The following SNX29 variants were observed in gnomAD, a reference collection of about 807,000 sequenced individuals.
SNX29 encodes the protein sorting nexin-29.
A neutral mutation model predicts 102.1 loss-of-function variants in SNX29; 78 were observed. That is an observed-to-expected ratio of 0.76 (90% CI 0.64 to 0.92). The LOEUF is 0.92. Ranked by LOEUF, SNX29 falls within the 40% of genes least tolerant of loss-of-function variation. The pLI is 0.00. For missense variants in SNX29, 1,280 were observed against 1,061.7 expected (o/e 1.21, Z -2.86); for synonymous variants, 580 against 414.5 (o/e 1.40, Z -4.85).
intron 13 of SNX29, among the ~76,000 whole-genome samples, chr16:12,134,683 G>A (rs766461536): frequency 7.9e-5 from 12 of 152,194 alleles, no homozygotes; most frequent in Admixed American, 6.5e-5. Flanking sequence ...AGTCAACCTT[G>A]GTTCAGTGTT....
intron 20 of SNX29, among the ~76,000 whole-genome samples, chr16:12,564,461 G>T (rs562886066): frequency 4.6e-5 from 7 of 152,222 alleles, no homozygotes; most frequent in Non-Finnish European, 7.3e-5. Context: ...GTGTTTTGGG[G>T]AGGTTATGGA....
At chr16:12,526,244 G>A (rs956903437) in intron 20 of SNX29, among the ~76,000 whole-genome samples, 3 of 152,128 alleles carry the variant, frequency 2.0e-5, no homozygotes, top group Non-Finnish European at 4.4e-5. Context: ...AAAACAGAGG[G>A]TGCATTTCTG....
intron 18 of SNX29, among the ~76,000 whole-genome samples, chr16:12,409,301 C>T (rs1389552255): frequency 4.6e-5 from 7 of 152,124 alleles, no homozygotes; most frequent in African/African-American, 1.7e-4. Flanking sequence ...TTTGATTTTT[C>T]TGGCACTTCC....
chr16:12,209,884 T>TG (rs1236204794), intron 14 of SNX29, among the ~76,000 whole-genome samples: 61 of 152,324 alleles, frequency 4.0e-4, no homozygotes, highest in African/African-American at 1.4e-3. Context: ...CATAAGAGCC[T>TG]GCCCATCTGA....
chr16:12,170,131 T>A (rs1344747149), intron 13 of SNX29, among the ~76,000 whole-genome samples: 1 of 152,000 alleles, frequency 6.6e-6, no homozygotes, highest in Admixed American at 6.5e-5. Flanking sequence ...TTATGAGAAC[T>A]AAAGAAGTCT....
At chr16:11,985,076 C>T (rs781670641) in intron 1 of SNX29, among the ~76,000 whole-genome samples, 5 of 151,996 alleles carry the variant, frequency 3.3e-5, no homozygotes, top group East Asian at 3.9e-4. Context: ...GCATTAACAT[C>T]GAAGAGTTTA....
At chr16:12,228,483 C>G (rs1444301379) in intron 14 of SNX29, among the ~76,000 whole-genome samples, 2 of 151,212 alleles carry the variant, frequency 1.3e-5, no homozygotes, top group Non-Finnish European at 2.9e-5. Flanking sequence ...GCTCTGGTCA[C>G]TCTTACCCCT....
In SNX29 at chr16:12,559,082, G is replaced by A. The variant is rs144722082; in HGVS notation, c.2319-9424G>A. On this transcript the variant is annotated intron_variant, in intron 20 of 20. Transcript: ENST00000566228. ...TGTAGAGGTCTACCGCTGTGTCCCC[G>A]TGCTCCTTAGTCTAGGATGAGTAGT... is the stretch of plus-strand genomic sequence containing the variant. Among the ~76,000 whole-genome samples the A allele has an allele frequency of 6.9e-4, 105 of 152,200 alleles. 1 individual carries two copies. Among genetic ancestry groups the A allele is most frequent in the African/African-American group, 2.3e-3 (94 of 41,512 alleles).
At chr16:12,078,788 C>CT in intron 10 of SNX29, 45 bp from the exon 11 acceptor site, 2 of 1,530,420 alleles carry the variant, frequency 1.3e-6, no homozygotes, top group South Asian at 2.4e-5. Flanking sequence ...AGGGTGTGTA[C>CT]TTTCAGTGGC....
chr16:12,245,837 T>C (rs1328850046), intron 14 of SNX29, among the ~76,000 whole-genome samples: 1 of 152,048 alleles, frequency 6.6e-6, no homozygotes, highest in Non-Finnish European at 1.5e-5. Context: ...ACACAGAGTT[T>C]CTGCTGCAGG....
intron 11 of SNX29, among the ~76,000 whole-genome samples, chr16:12,097,275 G>C (rs1175456332): frequency 6.6e-6 from 1 of 152,220 alleles, no homozygotes; most frequent in Non-Finnish European, 1.5e-5. Context: ...GATAAACCTA[G>C]CCAGCATCAC....
At chr16:12,192,669 G>A (rs1044700735) in intron 13 of SNX29, among the ~76,000 whole-genome samples, 1 of 151,862 alleles carries the variant, frequency 6.6e-6, no homozygotes, top group South Asian at 2.1e-4. Flanking sequence ...ATGTCACCGT[G>A]TCCAGCTAAT....
intron 18 of SNX29, among the ~76,000 whole-genome samples, chr16:12,425,507 A>C (rs1220722764): frequency 6.9e-6 from 1 of 145,950 alleles, no homozygotes; most frequent in Non-Finnish European, 1.5e-5. Context: ...GGTCAAGTCC[A>C]CACTACCCAA....
intron 19 of SNX29, among the ~76,000 whole-genome samples, chr16:12,523,525 C>T (rs577623651): frequency 2.6e-5 from 4 of 152,370 alleles, no homozygotes; most frequent in East Asian, 1.9e-4. Context: ...AGCACAGATA[C>T]ACGGAGCAGG....
chr16:12,111,057 C>T (rs1402235340), intron 11 of SNX29, among the ~76,000 whole-genome samples: 4 of 152,082 alleles, frequency 2.6e-5, no homozygotes, highest in Non-Finnish European at 5.9e-5. Context: ...AGTGATCCTC[C>T]CACCTTGGCT....
intron 20 of SNX29, among the ~76,000 whole-genome samples, chr16:12,549,147 G>C (rs1233047213): frequency 6.6e-6 from 1 of 151,886 alleles, no homozygotes; most frequent in African/African-American, 2.4e-5. Context: ...TTTTGATTTA[G>C]CAGTTATCAC....
intron 11 of SNX29, among the ~76,000 whole-genome samples, chr16:12,109,265 T>A (rs796434250): frequency 2.0e-5 from 3 of 151,876 alleles, no homozygotes; most frequent in African/African-American, 7.2e-5. Flanking sequence ...GGTCCTGAAC[T>A]GGCATAGAGC....
chr16:12,458,362 A>T (rs1449657871), intron 18 of SNX29, among the ~76,000 whole-genome samples: 1 of 152,192 alleles, frequency 6.6e-6, no homozygotes, highest in Non-Finnish European at 1.5e-5. Flanking sequence ...CTTCTGGAGA[A>T]ACCAGACGGA....
At chr16:12,179,037 T>C (rs774725090) in intron 13 of SNX29, among the ~76,000 whole-genome samples, 2 of 152,174 alleles carry the variant, frequency 1.3e-5, no homozygotes, top group Non-Finnish European at 2.9e-5. Context: ...AATACTGAGT[T>C]TGAATGGGAA....
Sources: gnomAD v4.1 joint callset for allele counts (sites outside exome capture counted in the v4.1 genomes callset) on GRCh38, gnomAD v4.1.1 for gene constraint, MANE v1.5 for transcripts, NCBI Gene and HGNC (gene_info 2026-07-23, HGNC 2026-07-21) for gene names.